The following CDH22 variants were observed in gnomAD, a reference collection of about 807,000 sequenced individuals.
CDH22 encodes cadherin-22.
CDH22 carries 30 observed loss-of-function variants against 58.4 expected under a neutral mutation model. The ratio of observed to expected loss-of-function variants is 0.51; its 90% confidence interval spans 0.38 to 0.70. The LOEUF (loss-of-function observed/expected upper bound fraction) is 0.70. CDH22 is among the 30% of genes least tolerant of loss of function. The pLI is 0.00. For missense variants in CDH22, 1,014 were observed against 1,233.9 expected, an observed-to-expected ratio of 0.82 and a Z score of 2.67; for synonymous variants, 513 against 558.2, an observed-to-expected ratio of 0.92 and a Z score of 1.14.
chr20:46,192,922 C>T (rs6094261), intron 8 of CDH22, among the ~76,000 whole-genome samples: 4 of 151,940 alleles, frequency 2.6e-5, no homozygotes, highest in South Asian at 2.1e-4. Flanking sequence ...CATGCCCCCC[C>T]CCAGTGGGAG....
intron 10 of CDH22, among the ~76,000 whole-genome samples, chr20:46,178,720 A>G (rs2085762149): frequency 6.6e-6 from 1 of 151,044 alleles, no homozygotes; most frequent in Non-Finnish European, 1.5e-5. Context: ...GGGCCCTGAC[A>G]AGTCCTGGGT....
chr20:46,255,491 AG>A (rs2086402135), intron 1 of CDH22, among the ~76,000 whole-genome samples: 2 of 152,248 alleles, frequency 1.3e-5, no homozygotes, highest in Admixed American at 6.5e-5. Flanking sequence ...CACAACTGGC[AG>A]GGCAAGCCTG....
At chr20:46,257,519 TGCCCTCA>T (rs2086412424) in intron 1 of CDH22, among the ~76,000 whole-genome samples, 1 of 152,158 alleles carries the variant, frequency 6.6e-6, no homozygotes, top group Admixed American at 6.5e-5. Context: ...AGTGTGACCA[TGCCCTCA>T]GCCTGGGCAG....
rs551168889 is a variant in CDH22, at chr20:46,174,429, G to T, written c.*77C>A. On this transcript the variant is annotated 3_prime_UTR_variant, in exon 12 of 12. Coordinates refer to ENST00000537909, the MANE Select transcript of CDH22 (RefSeq NM_021248.3). This position sits in a 1 kb window ranked among gnomAD's most constrained non-coding sequence, Gnocchi z 4.4. ...GGGGAGGGCAGGAAAGGGGGTCCGC[G>T]GGGGAAACGCGTTGTCCTGGGGCCC... 9.5e-7 allele frequency: 1 copy of T among 1,048,832 alleles called. No individual in the cohort carries two copies. Among genetic ancestry groups the T allele is most frequent in the Non-Finnish European group, 1.3e-6 (1 of 771,026 alleles). The allele number at this position is 1,048,832 out of a possible 1,614,324, so 65.0% of individuals were successfully genotyped here. A position where few individuals can be genotyped will look rare whatever the true frequency, so the allele number is the denominator to read the frequency against.
intron 1 of CDH22, among the ~76,000 whole-genome samples, chr20:46,279,948 A>G (rs896428779): frequency 2.0e-5 from 3 of 152,124 alleles, no homozygotes; most frequent in Non-Finnish European, 4.4e-5. Flanking sequence ...CATCCTCCCA[A>G]CAAGACTTTG....
chr20:46,177,114 G>A (rs2085746304), intron 11 of CDH22, among the ~76,000 whole-genome samples: 1 of 152,192 alleles, frequency 6.6e-6, no homozygotes, highest in African/African-American at 2.4e-5. Flanking sequence ...CCATAGGCAG[G>A]TCCTCAGAGG....
intron 3 of CDH22, among the ~76,000 whole-genome samples, chr20:46,228,621 C>A (rs979972309): frequency 6.6e-6 from 1 of 152,118 alleles, no homozygotes; most frequent in Non-Finnish European, 1.5e-5. Context: ...CCACCCAAAC[C>A]TTTCCAGAAA....
At chr20:46,263,540 C>G (rs2086444296) in intron 1 of CDH22, among the ~76,000 whole-genome samples, 1 of 152,026 alleles carries the variant, frequency 6.6e-6, no homozygotes, top group African/African-American at 2.4e-5. Context: ...AGAGAAAGTA[C>G]AAGGAGCCCC....
intron 1 of CDH22, among the ~76,000 whole-genome samples, chr20:46,257,115 C>T (rs1343348926): frequency 6.6e-6 from 1 of 151,474 alleles, no homozygotes; most frequent in Non-Finnish European, 1.5e-5. Flanking sequence ...CAAGACCAGC[C>T]TGGGGAACAT....
intron 11 of CDH22, among the ~76,000 whole-genome samples, chr20:46,176,151 C>T (rs2085736851): frequency 6.6e-6 from 1 of 152,146 alleles, no homozygotes; most frequent in Admixed American, 6.5e-5. Flanking sequence ...CTCAGATGTC[C>T]TAGGATTCAG....
At chr20:46,259,911 A>G (rs1435339374) in intron 1 of CDH22, among the ~76,000 whole-genome samples, 1 of 152,216 alleles carries the variant, frequency 6.6e-6, no homozygotes, top group Non-Finnish European at 1.5e-5. Flanking sequence ...AATACAAAGG[A>G]CATGGCTGGC....
chr20:46,235,562 G>A (rs1030366247), intron 3 of CDH22, among the ~76,000 whole-genome samples: 1 of 152,140 alleles, frequency 6.6e-6, no homozygotes, highest in African/African-American at 2.4e-5. Context: ...TTCTTAATTT[G>A]TTCTGCAAAC....
intron 10 of CDH22, among the ~76,000 whole-genome samples, chr20:46,181,434 A>G (rs1346902307): frequency 6.6e-6 from 1 of 152,060 alleles, no homozygotes; most frequent in Non-Finnish European, 1.5e-5. Context: ...ACACTCAGGG[A>G]CCCGGGACAC....
At chr20:46,197,295 GATATATAT>G (rs34730995) in intron 8 of CDH22, among the ~76,000 whole-genome samples, 2 of 141,972 alleles carry the variant, frequency 1.4e-5, no homozygotes, top group African/African-American at 5.2e-5. Context: ...TCTAGGCCAG[GATATATAT>G]ATATATATAT....
rs1045682881 is a variant in CDH22 at position 46,222,304 on chromosome 20, T to G, written c.670+5204A>C. On this transcript the variant is annotated intron_variant, in intron 4 of 11. Coordinates refer to ENST00000537909, the MANE Select transcript of CDH22 (RefSeq NM_021248.3). The stretch of plus-strand genomic sequence containing the variant: ...GCACACAGCAAGTGCTCAAATGACG[T>G]TTTGACTGGCTGACTCCCAGTGCCC... 3.9e-5 allele frequency among the ~76,000 whole-genome samples: 6 copies of G among 152,286 alleles called. No homozygotes were observed. In the South Asian group the frequency reaches 6.2e-4, roughly 16 times the overall value.
chr20:46,210,470 A>G lies in CDH22; in HGVS notation c.1123T>C (p.Phe375Leu). Residue 375 changes from phenylalanine (F) to leucine (L), a missense_variant, in exon 7 of 12, where the codon TTC becomes CTC. This residue lies in a region of CDH22 where 806 missense variants were observed against 1,038.7 expected (regional missense o/e 0.78). Transcript: ENST00000537909. The surrounding 1 kb of genome is among the most constrained non-coding windows in gnomAD (Gnocchi z 4.5). ...VDPRFADLGT[F>L]RDQAIVRVAV... ...ACGCGCACGATCGCCTGGTCGCGGA[A>G]CGTGCCCAGGTCGGCGAAGCGGGGG... The G allele has an allele frequency of 7.0e-7, 1 of 1,435,516 alleles. No homozygotes were observed. Among genetic ancestry groups the G allele is most frequent in the Non-Finnish European group, 9.2e-7 (1 of 1,091,900 alleles). 88.9% of individuals were successfully genotyped at this position (1,435,516 alleles called of 1,614,324 possible).
Position 46,174,305 on chromosome 20 carries a change from C to G in CDH22, c.*201G>C. On this transcript the variant is annotated 3_prime_UTR_variant, in exon 12 of 12. Transcript: ENST00000537909. The surrounding 1 kb of genome is among the most constrained non-coding windows in gnomAD (Gnocchi z 4.4). ...GTTTTAATGCCGTTGGTCAGAATCC[C>G]GCACCTCTGGGCTCCAAAGCTGCAC... 1.9e-6 allele frequency: 1 copy of G among 514,418 alleles called. No homozygotes were observed. Among genetic ancestry groups the G allele is most frequent in the Non-Finnish European group, 3.4e-6 (1 of 296,150 alleles). 31.9% of individuals were successfully genotyped at this position (514,418 alleles called of 1,614,324 possible). A position where few individuals can be genotyped will look rare whatever the true frequency, so the allele number is the denominator to read the frequency against.
chr20:46,177,895 C>T lies in CDH22; in HGVS notation c.1915+51G>A, dbSNP rs73312756. The T allele has an allele frequency of 1.1e-3, 1,783 of 1,594,364 alleles. 32 individuals carry two copies. In the African/African-American group the frequency reaches 0.019, roughly 17 times the overall value. On this transcript the variant is annotated intron_variant, in intron 11 of 11. Transcript: ENST00000537909. ...GGCTGGTTAGGAAGGAAACCCAGGA[C>T]GCCAGGATGGGGCCAATCAGGCAGG...
intron 1 of CDH22, among the ~76,000 whole-genome samples, chr20:46,297,098 C>A (rs1340175157): frequency 6.6e-6 from 1 of 152,172 alleles, no homozygotes; most frequent in Non-Finnish European, 1.5e-5. Context: ...TGGGGCCACC[C>A]ACTGCTGGCT....
Sources: allele counts gnomAD v4.1 joint callset (sites outside exome capture counted in the v4.1 genomes callset), GRCh38; gene constraint gnomAD v4.1.1; regional missense constraint gnomAD v4.1.1; non-coding constraint Gnocchi (gnomAD v3.1); transcripts MANE v1.5; gene names NCBI Gene and HGNC (gene_info 2026-07-23, HGNC 2026-07-21).